ZYG11A: variants seen among roughly 807,000 people sequenced by gnomAD.
ZYG11A encodes the protein zyg-11 family member A, cell cycle regulator, also known as protein zyg-11 homolog A.
A neutral mutation model predicts 77.2 loss-of-function variants in ZYG11A; 62 were observed. That is an observed-to-expected ratio of 0.80 (90% CI 0.65 to 0.99). The LOEUF is 0.99. Ranked by LOEUF, ZYG11A falls within the 50% of genes least tolerant of loss-of-function variation. ZYG11A has a pLI of 0.00. For synonymous variants in ZYG11A, 315 were observed against 324.6 expected (o/e 0.97, Z 0.32); for missense variants, 828 against 896.8 (o/e 0.92, Z 0.98).
chr1:52,849,433 C>T (rs182517130), intron 1 of ZYG11A, among the ~76,000 whole-genome samples: 305 of 146,618 alleles, frequency 2.1e-3, no homozygotes, highest in African/African-American at 7.3e-3. Flanking sequence ...GCGCGATCTC[C>T]GCTCACTGCA....
rs4926935 is a variant in ZYG11A, at chr1:52,848,658, G to A, written c.90+5685G>A. Reference sequence around the variant, plus strand: ...ACACGTTGGGAGGCTGAGGTGGGTGGATCACCTGAGGCCAGGAGTTCAAGA... The same window carrying A: ...ACACGTTGGGAGGCTGAGGTGGGTGAATCACCTGAGGCCAGGAGTTCAAGA... On this transcript the variant is annotated intron_variant, in intron 1 of 13. Transcript: ENST00000371528. Among the ~76,000 whole-genome samples, 235 of 152,208 alleles carry A rather than the reference G, an allele frequency of 1.5e-3. 2 individuals carry two copies. The highest frequency in any genetic ancestry group is 0.014 in the Admixed American group (208 of 15,278).
chr1:52,853,745 A>C (rs1380316908), intron 1 of ZYG11A, among the ~76,000 whole-genome samples: 6 of 152,080 alleles, frequency 3.9e-5, no homozygotes, highest in Admixed American at 3.9e-4. Flanking sequence ...ACTCTATAAT[A>C]AACCTACAAA....
In ZYG11A at chr1:52,893,519, C is replaced by T. The variant is rs1032652262; in HGVS notation, c.*562C>T. On this transcript the variant is annotated 3_prime_UTR_variant, in exon 14 of 14. Coordinates refer to ENST00000371528, the MANE Select transcript of ZYG11A (RefSeq NM_001004339.3). ...GTGGCTCACGCCTGTAATCCCAGCA[C>T]TTTGGGAGGCCAAGGCAGGTGGATT... 3.3e-5 allele frequency: 5 copies of T among 152,444 alleles called. No homozygotes were observed. Among genetic ancestry groups the T allele is most frequent in the Admixed American group, 2.0e-4 (3 of 15,324 alleles). The allele number at this position is 152,444 out of a possible 1,614,324, so 9.4% of individuals were successfully genotyped here. A position where few individuals can be genotyped will look rare whatever the true frequency, so the allele number is the denominator to read the frequency against.
intron 1 of ZYG11A, among the ~76,000 whole-genome samples, chr1:52,851,701 A>G (rs949694280): frequency 1.3e-5 from 2 of 151,726 alleles, no homozygotes; most frequent in African/African-American, 2.4e-5. Context: ...TGCCCGGCAC[A>G]CAGTTTATTT....
intron 8 of ZYG11A, among the ~76,000 whole-genome samples, chr1:52,873,573 C>A (rs76408882): frequency 0.027 from 4,051 of 152,254 alleles, 142 homozygotes; most frequent in East Asian, 0.18. Context: ...GAGATGGAAT[C>A]TAGTTCTGGT....
chr1:52,868,520 G>A (rs552263782), intron 8 of ZYG11A, among the ~76,000 whole-genome samples: 9 of 152,148 alleles, frequency 5.9e-5, no homozygotes, highest in East Asian at 1.9e-4. Flanking sequence ...TGTGGCTCAC[G>A]CCTGTAATCC....
chr1:52,843,884 C>T (rs1275698433), intron 1 of ZYG11A, among the ~76,000 whole-genome samples: 1 of 152,072 alleles, frequency 6.6e-6, no homozygotes, highest in Non-Finnish European at 1.5e-5. Flanking sequence ...GACGGGGTTT[C>T]ACCATGTTGG....
chr1:52,845,036 A>G (rs1645536439), intron 1 of ZYG11A, among the ~76,000 whole-genome samples: 2 of 151,824 alleles, frequency 1.3e-5, no homozygotes, highest in African/African-American at 4.8e-5. Context: ...TTGGCCTCCC[A>G]TATCTTTTCA....
chr1:52,874,234 T>G (rs1016533587), intron 8 of ZYG11A, among the ~76,000 whole-genome samples: 5 of 108,358 alleles, frequency 4.6e-5, no homozygotes, highest in African/African-American at 1.6e-4. Context: ...TTTAGCTCTC[T>G]CTCTCTATAT....
At chr1:52,884,856 C>A (rs1040674156) in intron 11 of ZYG11A, among the ~76,000 whole-genome samples, 1 of 151,798 alleles carries the variant, frequency 6.6e-6, no homozygotes, top group African/African-American at 2.4e-5. Flanking sequence ...CAGAAGAAAT[C>A]GGGGAGTCCG....
intron 8 of ZYG11A, among the ~76,000 whole-genome samples, chr1:52,870,332 C>G (rs1264536118): frequency 6.6e-6 from 1 of 151,472 alleles, no homozygotes; most frequent in East Asian, 2.0e-4. Flanking sequence ...TTCTCACTTC[C>G]TAGACAGGAT....
rs1189596960 is a variant in ZYG11A, at chr1:52,846,320, A to C, written c.90+3347A>C. Among the ~76,000 whole-genome samples, 38 of 4,682 alleles carry C rather than the reference A, an allele frequency of 8.1e-3. 3 individuals carry two copies. Among genetic ancestry groups the C allele is most frequent in the African/African-American group, 0.036 (31 of 850 alleles). The allele number at this position is 4,682 out of a possible 152,430, so 3.1% of individuals were successfully genotyped here. A position where few individuals can be genotyped will look rare whatever the true frequency, so the allele number is the denominator to read the frequency against. ...TGGCTTTTTAAATTTTTATATATAT[A>C]TATATATATATATATATATATATAT... On this transcript the variant is annotated intron_variant, in intron 1 of 13. Transcript: ENST00000371528.
intron 5 of ZYG11A, 115 bp downstream of exon 5, chr1:52,864,272 G>A (rs1233648871): frequency 2.8e-6 from 3 of 1,057,702 alleles, no homozygotes; most frequent in Non-Finnish European, 4.0e-6. Flanking sequence ...TAAAGACAGA[G>A]TCTCTCTCTG....
chr1:52,848,383 CATT>C (rs1417761884), intron 1 of ZYG11A, among the ~76,000 whole-genome samples: 2 of 152,240 alleles, frequency 1.3e-5, no homozygotes, highest in South Asian at 2.1e-4. Context: ...AGCTTTTTCT[CATT>C]GTTGGTTTTT....
At chr1:52,853,652 T>G (rs1045930450) in intron 1 of ZYG11A, among the ~76,000 whole-genome samples, 1 of 152,206 alleles carries the variant, frequency 6.6e-6, no homozygotes, top group African/African-American at 2.4e-5. Context: ...GGCTCATGCC[T>G]GTAATCCAGC....
intron 8 of ZYG11A, among the ~76,000 whole-genome samples, chr1:52,872,088 T>C (rs1207429442): frequency 6.6e-6 from 1 of 152,198 alleles, no homozygotes; most frequent in African/African-American, 2.4e-5. Context: ...TGATTTTGGA[T>C]GTGTTCATTA....
At chr1:52,843,214 G>A (rs1450629800) in intron 1 of ZYG11A, among the ~76,000 whole-genome samples, 3 of 152,102 alleles carry the variant, frequency 2.0e-5, no homozygotes, top group Non-Finnish European at 4.4e-5. Context: ...GAAGCGCGTG[G>A]AACTTGCGCC....
intron 10 of ZYG11A, among the ~76,000 whole-genome samples, chr1:52,879,948 T>C (rs1646335381): frequency 1.3e-5 from 2 of 151,672 alleles, no homozygotes; most frequent in South Asian, 4.2e-4. Context: ...TTTTTTTTAG[T>C]AGAGACAGGG....
At position 52,857,205 on chromosome 1, in the gene ZYG11A, A is replaced by G; in HGVS notation, c.464A>G (p.Gln155Arg). ...GGACTCTGCAGCAATAGGTGGATCC[A>G]GCAAAACCTCCAGTGTCTCCTGTTA... ...ISGLCSNRWI[Q>R]QNLQCLLLDS... Residue 155 changes from glutamine to arginine, a missense_variant, in exon 3 of 14, where the codon CAG becomes CGG. Transcript: ENST00000371528. The G allele has an allele frequency of 6.4e-7, 1 of 1,552,254 alleles. No homozygotes were observed. Among genetic ancestry groups the G allele is most frequent in the Non-Finnish European group, 8.7e-7 (1 of 1,147,126 alleles).
Sources: gnomAD v4.1 joint callset for allele counts (sites outside exome capture counted in the v4.1 genomes callset) on GRCh38, gnomAD v4.1.1 for gene constraint, MANE v1.5 for transcripts, NCBI Gene and HGNC (gene_info 2026-07-23, HGNC 2026-07-21) for gene names.